The following SYT1 variants were observed in gnomAD, a reference collection of about 807,000 sequenced individuals.
SYT1 encodes synaptotagmin 1.
SYT1 carries 8 observed loss-of-function variants against 44.8 expected under a neutral mutation model. The observed-to-expected ratio is 0.18, with a 90% CI of 0.10 to 0.32. SYT1 has a LOEUF of 0.32. Ranked by LOEUF, SYT1 falls within the 10% of genes least tolerant of loss-of-function variation. The pLI, the probability that SYT1 is intolerant of heterozygous loss-of-function variation, is 1.00. For missense variants in SYT1, 286 were observed against 509.3 expected (o/e 0.56, Z 4.22); for synonymous variants, 154 against 188.8 (o/e 0.82, Z 1.51).
chr12:78,887,845 C>T (rs1326215362), intron 1 of SYT1, among the ~76,000 whole-genome samples: 1 of 151,776 alleles, frequency 6.6e-6, no homozygotes, highest in Non-Finnish European at 1.5e-5. Context: ...ATTATTCATA[C>T]TTGTTTTAAA....
At chr12:79,043,930 T>C (rs897746597) in intron 2 of SYT1, among the ~76,000 whole-genome samples, 1 of 152,224 alleles carries the variant, frequency 6.6e-6, no homozygotes, top group Non-Finnish European at 1.5e-5. Flanking sequence ...AAAATTGTTT[T>C]CTTTAAGAAT....
intron 1 of SYT1, among the ~76,000 whole-genome samples, chr12:78,913,711 T>C (rs564914147): frequency 1.2e-4 from 18 of 151,924 alleles, no homozygotes; most frequent in Non-Finnish European, 2.4e-4. Flanking sequence ...TTGTAAAATA[T>C]GTGATTTATT....
intron 4 of SYT1, among the ~76,000 whole-genome samples, chr12:79,250,735 G>A (rs1306921346): frequency 6.6e-6 from 1 of 152,068 alleles, no homozygotes; most frequent in Non-Finnish European, 1.5e-5. Flanking sequence ...TGTGTTAAGG[G>A]GAATTTTTTG....
chr12:79,345,825 T>C (rs1184300137), intron 8 of SYT1, among the ~76,000 whole-genome samples: 1 of 152,250 alleles, frequency 6.6e-6, no homozygotes, highest in Non-Finnish European at 1.5e-5. Context: ...AAGACTGTTT[T>C]AGTATTTTTA....
chr12:79,302,288 A>G lies in SYT1; in HGVS notation c.810+2737A>G, dbSNP rs540319624. On this transcript the variant is annotated intron_variant, in intron 8 of 10. Coordinates refer to ENST00000261205, the MANE Select transcript of SYT1 (RefSeq NM_005639.3). ...AGGAACAGCTTTGGAATCTAGAACA[A>G]GTACTGCTAATCATAGTAAGCTGTT... Among the ~76,000 whole-genome samples, 74 of 152,292 alleles carry G rather than the reference A, an allele frequency of 4.9e-4. 1 individual carries two copies. Among genetic ancestry groups the G allele is most frequent in the Non-Finnish European group, 7.9e-4 (54 of 68,024 alleles).
chr12:79,395,725 A>T (rs1222455551), intron 9 of SYT1, among the ~76,000 whole-genome samples: 1 of 150,942 alleles, frequency 6.6e-6, no homozygotes. Flanking sequence ...ATTCATAAAG[A>T]TATTTCCTTT....
chr12:79,175,608 A>G (rs985659405), intron 3 of SYT1, among the ~76,000 whole-genome samples: 1 of 152,110 alleles, frequency 6.6e-6, no homozygotes, highest in Non-Finnish European at 1.5e-5. Context: ...TTTTGCCACT[A>G]AAATTCATTA....
intron 3 of SYT1, among the ~76,000 whole-genome samples, chr12:79,119,135 C>T (rs1050869803): frequency 1.3e-5 from 2 of 152,000 alleles, no homozygotes; most frequent in Non-Finnish European, 1.5e-5. Flanking sequence ...ACTAGAGAAT[C>T]TGTGCCTGTC....
intron 3 of SYT1, among the ~76,000 whole-genome samples, chr12:79,064,966 A>AAGAAAGAG (rs1265773235): frequency 6.6e-6 from 1 of 150,788 alleles, no homozygotes; most frequent in Non-Finnish European, 1.5e-5. Context: ...GAAAGAAAGA[A>AAGAAAGAG]AGAAAGAAAG....
chr12:79,172,313 C>T (rs1871576186), intron 3 of SYT1, among the ~76,000 whole-genome samples: 1 of 151,844 alleles, frequency 6.6e-6, no homozygotes, highest in Admixed American at 6.6e-5. Flanking sequence ...TGAACAGTTA[C>T]ATGAAGAGTG....
chr12:79,190,524 G>A (rs764139049), intron 3 of SYT1, among the ~76,000 whole-genome samples: 1 of 152,106 alleles, frequency 6.6e-6, no homozygotes, highest in Non-Finnish European at 1.5e-5. Flanking sequence ...TATGACTTTT[G>A]AAATCGATAC....
chr12:79,198,193 C>T (rs1355057702), intron 3 of SYT1, among the ~76,000 whole-genome samples: 2 of 152,070 alleles, frequency 1.3e-5, no homozygotes. Flanking sequence ...CGTTTTAGTA[C>T]TTACATTGTC....
intron 3 of SYT1, among the ~76,000 whole-genome samples, chr12:79,050,782 CAAATATCCCA>C (rs1874421469): frequency 6.6e-6 from 1 of 151,916 alleles, no homozygotes; most frequent in South Asian, 2.1e-4. Context: ...ATATTATTTG[CAAATATCCCA>C]AATGTTACCT....
intron 1 of SYT1, among the ~76,000 whole-genome samples, chr12:78,889,792 G>T (rs564003689): frequency 6.6e-6 from 1 of 151,844 alleles, no homozygotes; most frequent in Admixed American, 6.6e-5. Context: ...AACACTTTTG[G>T]ATTTTGAAAA....
chr12:79,321,288 G>A (rs1187717972), intron 8 of SYT1, among the ~76,000 whole-genome samples: 1 of 152,182 alleles, frequency 6.6e-6, no homozygotes, highest in Non-Finnish European at 1.5e-5. Context: ...CTATTTTAAA[G>A]TTCTGTTAAA....
At position 79,296,057 on chromosome 12, in the gene SYT1, C is replaced by A. The variant is rs1879859544; in HGVS notation, c.475-12C>A. The stretch of plus-strand genomic sequence containing the variant: ...GATATTTATGTATGCTGTATTCTGT[C>A]ATTTATTTCAGCTGCTGGTAGGGAT... On this transcript the variant is annotated splice_polypyrimidine_tract_variant and intron_variant, in intron 6 of 10. Coordinates refer to ENST00000261205, the MANE Select transcript of SYT1 (RefSeq NM_005639.3). The A allele has an allele frequency of 6.2e-7, 1 of 1,603,702 alleles. No homozygotes were observed. Among genetic ancestry groups the A allele is most frequent in the Admixed American group, 1.7e-5 (1 of 57,840 alleles).
At chr12:78,951,260 T>C (rs1231792714) in intron 1 of SYT1, among the ~76,000 whole-genome samples, 2 of 152,134 alleles carry the variant, frequency 1.3e-5, no homozygotes, top group Non-Finnish European at 2.9e-5. Context: ...CGTCAGTCTA[T>C]TATGGGATCA....
chr12:79,064,926 GAGAAAGAAAGAAAGAAAGAA>G (rs200335076), intron 3 of SYT1, among the ~76,000 whole-genome samples: 2,685 of 111,510 alleles, frequency 0.024, 40 homozygotes, highest in African/African-American at 0.032. Context: ...AAAAAATAGA[GAGAAAGAAAGAAAGAAAGAA>G]AGAAAGAAAG....
chr12:79,353,751 T>A, intron 9 of SYT1, 132 bp downstream of exon 9: 1 of 715,280 alleles, frequency 1.4e-6, no homozygotes. Flanking sequence ...CTGGAAGCAG[T>A]CTCAGAATTC....
Sources: gnomAD v4.1 joint callset for allele counts (sites outside exome capture counted in the v4.1 genomes callset) on GRCh38, gnomAD v4.1.1 for gene constraint, MANE v1.5 for transcripts, NCBI Gene and HGNC (gene_info 2026-07-23, HGNC 2026-07-21) for gene names.